Variants in PRTFDC1 observed in about 807,000 individuals in gnomAD.
PRTFDC1 encodes phosphoribosyltransferase domain-containing protein 1.
In PRTFDC1, 38 loss-of-function variants were observed where a neutral mutation model predicts 34.6. The ratio of observed to expected loss-of-function variants is 1.10; its 90% CI spans 0.85 to 1.44. The LOEUF is 1.44. PRTFDC1 is among the 40% of genes most tolerant of loss of function. The pLI is 0.00. For missense variants in PRTFDC1, 270 were observed against 283.0 expected (o/e 0.95, Z 0.33); for synonymous variants, 93 against 98.1 (o/e 0.95, Z 0.31).
intron 3 of PRTFDC1, among the ~76,000 whole-genome samples, chr10:24,917,968 G>C (rs1344643121): frequency 6.6e-6 from 1 of 152,100 alleles, no homozygotes; most frequent in Admixed American, 6.6e-5. Context: ...CCGTGTTTTT[G>C]GTACTTTTTT....
intron 3 of PRTFDC1, among the ~76,000 whole-genome samples, chr10:24,874,414 G>T (rs1009420717): frequency 2.6e-5 from 4 of 152,110 alleles, no homozygotes; most frequent in African/African-American, 9.7e-5. Context: ...AACACAGGAA[G>T]AATTTCTGCA....
intron 3 of PRTFDC1, among the ~76,000 whole-genome samples, chr10:24,905,317 ATTTTTTTT>A (rs59569885): frequency 9.2e-5 from 8 of 87,284 alleles, no homozygotes; most frequent in African/African-American, 3.8e-4. Flanking sequence ...TGTCTCAAGA[ATTTTTTTT>A]TTTTTTTTTT....
At chr10:24,932,448 C>A (rs934111512) in intron 3 of PRTFDC1, among the ~76,000 whole-genome samples, 8 of 151,864 alleles carry the variant, frequency 5.3e-5, no homozygotes, top group Admixed American at 3.3e-4. Context: ...AAGTGAGTTT[C>A]ATAAGTCATA....
chr10:24,923,023 G>A (rs1291952902), intron 3 of PRTFDC1, among the ~76,000 whole-genome samples: 1 of 152,208 alleles, frequency 6.6e-6, no homozygotes. Context: ...GCAGTCCCAT[G>A]CCCATGGAGC....
At chr10:24,905,373 G>A (rs901188550) in intron 3 of PRTFDC1, among the ~76,000 whole-genome samples, 9 of 144,164 alleles carry the variant, frequency 6.2e-5, no homozygotes, top group Non-Finnish European at 1.2e-4. Context: ...CCAGGATGGA[G>A]TGCAGTGACA....
chr10:24,863,172 CG>C (rs1266075494), intron 4 of PRTFDC1, among the ~76,000 whole-genome samples: 28 of 151,970 alleles, frequency 1.8e-4, no homozygotes, highest in Admixed American at 5.9e-4. Flanking sequence ...GTCACTGTGA[CG>C]CCCCCTAGAC....
intron 3 of PRTFDC1, among the ~76,000 whole-genome samples, chr10:24,875,231 A>C (rs1259935026): frequency 6.6e-6 from 1 of 152,252 alleles, no homozygotes; most frequent in Non-Finnish European, 1.5e-5. Flanking sequence ...TAGCATATCC[A>C]ACACTTCAGA....
chr10:24,933,848 C>T (rs968991745), intron 3 of PRTFDC1, among the ~76,000 whole-genome samples: 4 of 152,036 alleles, frequency 2.6e-5, no homozygotes, highest in Admixed American at 2.6e-4. Context: ...TATCTGCCAC[C>T]ATGCCTGGCT....
intron 3 of PRTFDC1, among the ~76,000 whole-genome samples, chr10:24,876,693 CAA>C (rs145392295): frequency 6.7e-6 from 1 of 149,810 alleles, no homozygotes; most frequent in Non-Finnish European, 1.5e-5. Context: ...GACTCCATCT[CAA>C]AAAAAAAATT....
chr10:24,868,917 A>G (rs1372674117), intron 4 of PRTFDC1, among the ~76,000 whole-genome samples: 1 of 152,088 alleles, frequency 6.6e-6, no homozygotes, highest in African/African-American at 2.4e-5. Context: ...TCGTTGATAC[A>G]CAATGTTTTA....
chr10:24,927,850 G>T (rs1378097421), intron 3 of PRTFDC1, among the ~76,000 whole-genome samples: 3 of 131,858 alleles, frequency 2.3e-5, no homozygotes, highest in South Asian at 4.7e-4. Flanking sequence ...AAAGTGCTGG[G>T]ATCCTACAGG....
At chr10:24,886,619 T>G (rs1185309655) in intron 3 of PRTFDC1, among the ~76,000 whole-genome samples, 2 of 152,192 alleles carry the variant, frequency 1.3e-5, no homozygotes. Flanking sequence ...CTTTCTTTTT[T>G]TACCCCCTTA....
At chr10:24,903,982 C>T (rs565117872) in intron 3 of PRTFDC1, among the ~76,000 whole-genome samples, 1 of 152,150 alleles carries the variant, frequency 6.6e-6, no homozygotes, top group South Asian at 2.1e-4. Context: ...AGCTACTGCA[C>T]CGAGCTGGAG....
Position 24,863,320 on chromosome 10 carries a change from C to A in PRTFDC1, c.406-4911G>T, listed in dbSNP as rs143843673. Reference sequence around the variant, plus strand: ...TGTTCTATAAATGGAGCAGCAAAGCCTGTTTATATAGGCACATCTGCTTAC... The same window carrying A: ...TGTTCTATAAATGGAGCAGCAAAGCATGTTTATATAGGCACATCTGCTTAC... On this transcript the variant is annotated intron_variant, in intron 4 of 8. Transcript: ENST00000320152. Among the ~76,000 whole-genome samples, 900 of 152,258 alleles carry A rather than the reference C, an allele frequency of 5.9e-3. 5 individuals are homozygous for A. The highest frequency in any genetic ancestry group is 0.021 in the African/African-American group (854 of 41,548).
intron 3 of PRTFDC1, among the ~76,000 whole-genome samples, chr10:24,893,559 C>G (rs546780293): frequency 2.6e-5 from 4 of 152,296 alleles, no homozygotes; most frequent in African/African-American, 9.6e-5. Flanking sequence ...ATCCTCCTGC[C>G]TTAGCCTCCT....
At chr10:24,873,105 T>C (rs1261736531) in intron 3 of PRTFDC1, among the ~76,000 whole-genome samples, 2 of 152,106 alleles carry the variant, frequency 1.3e-5, no homozygotes, top group Admixed American at 6.6e-5. Context: ...GGATTACAGA[T>C]AGGCGCCACC....
At chr10:24,903,603 G>T (rs58036130) in intron 3 of PRTFDC1, among the ~76,000 whole-genome samples, 1 of 152,046 alleles carries the variant, frequency 6.6e-6, no homozygotes. Context: ...AGTCTAGAGA[G>T]GTCTCACAGC....
chr10:24,886,645 T>C (rs921586513), intron 3 of PRTFDC1, among the ~76,000 whole-genome samples: 2 of 152,172 alleles, frequency 1.3e-5, no homozygotes, highest in Non-Finnish European at 2.9e-5. Flanking sequence ...GGGGTCTCAT[T>C]ATGTTGCCCA....
At position 24,887,649 on chromosome 10, in the gene PRTFDC1, G is replaced by A. The variant is rs560388434; in HGVS notation, c.340-15586C>T. Among the ~76,000 whole-genome samples, 20 of 152,026 alleles carry A rather than the reference G, an allele frequency of 1.3e-4. No individual in the cohort carries two copies. In the East Asian group the frequency reaches 1.7e-3, roughly 13 times the overall value. The stretch of plus-strand genomic sequence containing the variant: ...TGTGTCCTTATAGCAGAATGAGAAC[G>A]GACTAATATACCCTCTATCCAGCAT... On this transcript the variant is annotated intron_variant, in intron 3 of 8. Coordinates refer to ENST00000320152, the MANE Select transcript of PRTFDC1 (RefSeq NM_020200.7).
Sources: allele counts gnomAD v4.1 joint callset (sites outside exome capture counted in the v4.1 genomes callset), GRCh38; gene constraint gnomAD v4.1.1; transcripts MANE v1.5; gene names NCBI Gene and HGNC (gene_info 2026-07-23, HGNC 2026-07-21).